KIF26B: variants seen among roughly 807,000 people sequenced by gnomAD.
KIF26B encodes kinesin-like protein KIF26B.
In KIF26B, 63 loss-of-function variants were observed where a neutral mutation model predicts 151.2. The ratio of observed to expected loss-of-function variants is 0.42; its 90% CI spans 0.34 to 0.51. KIF26B has a LOEUF of 0.51. Among genes scored for constraint, KIF26B ranks in the 20% least tolerant of loss-of-function variants. KIF26B has a pLI of 0.07. For synonymous variants in KIF26B, 1,357 were observed against 1,262.1 expected, an observed-to-expected ratio of 1.08 and a Z score of -1.59; for missense variants, 2,813 against 2,913.6, an observed-to-expected ratio of 0.97 and a Z score of 0.79.
At position 245,686,296 on chromosome 1, in the gene KIF26B, C is replaced by G; in HGVS notation, c.3313C>G (p.Pro1105Ala). 3.7e-6 allele frequency: 6 copies of G among 1,613,074 alleles called. No individual in the cohort carries two copies. The highest frequency in any genetic ancestry group is 5.1e-6 in the Non-Finnish European group (6 of 1,179,880). Reference protein sequence around the residue: ...KGVLPSPAPLPPSSKDSGVAS... With the variant: ...KGVLPSPAPLAPSSKDSGVAS... ...GGTCCTGCCGTCTCCCGCCCCACTG[C>G]CTCCCTCGAGCAAGGATTCCGGCGT... Residue 1105 changes from proline (P) to alanine (A), a missense_variant, in exon 12 of 15, where the codon CCT (proline) becomes GCT (alanine). Physicochemically the swap from Pro to Ala is conservative, Grantham distance 27 (BLOSUM62 -1). Coordinates refer to ENST00000407071, the MANE Select transcript of KIF26B (RefSeq NM_018012.4). The surrounding 1 kb of genome is among the most constrained non-coding windows in gnomAD (Gnocchi z 5.6).
chr1:245,437,228 C>T (rs1572060749), intron 4 of KIF26B, among the ~76,000 whole-genome samples: 1 of 152,308 alleles, frequency 6.6e-6, no homozygotes, highest in East Asian at 1.9e-4. Flanking sequence ...TGAGGTGTTG[C>T]ACCTGCAGAC....
At chr1:245,695,039 G>T (rs935165278) in intron 12 of KIF26B, among the ~76,000 whole-genome samples, 1 of 152,140 alleles carries the variant, frequency 6.6e-6, no homozygotes, top group African/African-American at 2.4e-5. Flanking sequence ...GGCTTCCCCT[G>T]TACCTTTCTT....
At chr1:245,397,213 A>AT (rs10706858) in intron 3 of KIF26B, among the ~76,000 whole-genome samples, 26 of 148,126 alleles carry the variant, frequency 1.8e-4, no homozygotes, top group South Asian at 4.3e-4. Context: ...CCACATGTTC[A>AT]TTTTTTTTTT....
chr1:245,616,673 G>A (rs1715786), intron 9 of KIF26B, among the ~76,000 whole-genome samples: 17,256 of 152,086 alleles, frequency 0.11, 1,207 homozygotes, highest in African/African-American at 0.18. Context: ...AACCCCTCAC[G>A]AGGTCAGGTG....
chr1:245,660,159 C>G (rs563445566), intron 10 of KIF26B, among the ~76,000 whole-genome samples: 1 of 151,440 alleles, frequency 6.6e-6, no homozygotes, highest in East Asian at 2.0e-4. Flanking sequence ...CTCCACATGT[C>G]TAGAATTTGG....
intron 3 of KIF26B, among the ~76,000 whole-genome samples, chr1:245,416,305 A>T (rs1450534320): frequency 6.7e-6 from 1 of 149,720 alleles, no homozygotes; most frequent in Non-Finnish European, 1.5e-5. Context: ...AAAAAGAATC[A>T]AACAAAATAG....
chr1:245,556,686 G>A (rs1245367196), intron 5 of KIF26B, among the ~76,000 whole-genome samples: 3 of 137,234 alleles, frequency 2.2e-5, no homozygotes, highest in Non-Finnish European at 4.8e-5. Context: ...ACAGGCATGA[G>A]CCACTGCATC....
Position 245,667,966 on chromosome 1 carries a change from G to C in KIF26B, c.2259-16267G>C, listed in dbSNP as rs1027686511. ...AGTGCAGTGCAGTGGCGCAATCTCA[G>C]CTCACTGCAACTTCCACCTCCCAGG... On this transcript the variant is annotated intron_variant, in intron 10 of 14. Coordinates refer to ENST00000407071, the MANE Select transcript of KIF26B (RefSeq NM_018012.4). This position sits in a 1 kb window ranked among gnomAD's most constrained non-coding sequence, Gnocchi z 4.3. Among the ~76,000 whole-genome samples the C allele has an allele frequency of 6.6e-6, 1 of 152,170 alleles. No individual in the cohort carries two copies. Among genetic ancestry groups the C allele is most frequent in the Non-Finnish European group, 1.5e-5 (1 of 68,036 alleles).
rs58501579 is a variant in KIF26B at position 245,169,328 on chromosome 1, G to GGTGTGTGTGTGTGTGTGT, written c.465+12663_465+12680dup. ...TGCACTCGACTTTCTAACGGGCCATGGTGTGTGTGTGTGTGTGTGTGTGTG... is the reference window on the plus strand; with the variant it reads ...TGCACTCGACTTTCTAACGGGCCATGGTGTGTGTGTGTGTGTGTGTGTGTGTGTGTGTGTGTGTGTGTG... On this transcript the variant is annotated intron_variant, in intron 2 of 14. Coordinates refer to ENST00000407071, the MANE Select transcript of KIF26B (RefSeq NM_018012.4). 2.2e-4 allele frequency among the ~76,000 whole-genome samples: 29 copies of GGTGTGTGTGTGTGTGTGT among 134,176 alleles called. 1 individual carries two copies. Among genetic ancestry groups the GGTGTGTGTGTGTGTGTGT allele is most frequent in the Admixed American group, 7.5e-4 (10 of 13,342 alleles). The allele number at this position is 134,176 out of a possible 152,430, so 88.0% of individuals were successfully genotyped here. A position where few individuals can be genotyped will look rare whatever the true frequency, so the allele number is the denominator to read the frequency against.
chr1:245,306,263 G>C (rs1269606701), intron 2 of KIF26B, among the ~76,000 whole-genome samples: 1 of 152,192 alleles, frequency 6.6e-6, no homozygotes, highest in African/African-American at 2.4e-5. Flanking sequence ...ATTATGGTAA[G>C]TGAAAGAACC....
At position 245,687,917 on chromosome 1, in the gene KIF26B, C is replaced by T. The variant is rs1462889450; in HGVS notation, c.4934C>T (p.Thr1645Met). The T allele has an allele frequency of 6.9e-6, 11 of 1,593,514 alleles. No individual in the cohort carries two copies. Among genetic ancestry groups the T allele is most frequent in the Admixed American group, 1.7e-5 (1 of 57,546 alleles). The change falls in exon 12 of 15, where the codon ACG becomes ATG. Residue 1645 changes from threonine (T) to methionine (M), a missense_variant. Thr to Met is a moderately conservative substitution (Grantham distance 81). Around this residue, in one of 3 missense-constraint regions of KIF26B, gnomAD observed 2,060 missense variants for 2,088.6 expected, o/e 0.99. Transcript: ENST00000407071. This position sits in a 1 kb window ranked among gnomAD's most constrained non-coding sequence, Gnocchi z 4.9. ...CTCCCAGACGAGCCTAGCGGCAAGA[C>T]GAAGGACGCCAGCAGCAGCAGCAAG... ...AGLPDEPSGK[T>M]KDASSSSKLF...
rs774712630 is a variant in KIF26B, at chr1:245,684,290, C to T, written c.2316C>T (p.Thr772=). 1.9e-6 allele frequency: 3 copies of T among 1,613,990 alleles called. No homozygotes were observed. Among genetic ancestry groups the T allele is most frequent in the Non-Finnish European group, 2.5e-6 (3 of 1,179,882 alleles). ...CTCTGGGGAACATGAACTGCCGTAC[C>T]ACCATGATCGCGCACATCTCGGCCG... The part of the protein sequence containing the change: ...RESLGNMNCR[T]TMIAHISAAV... The change falls in exon 11 of 15, where the codon ACC becomes ACT. Residue 772 remains threonine (T), a synonymous_variant. Coordinates refer to ENST00000407071, the MANE Select transcript of KIF26B (RefSeq NM_018012.4).
chr1:245,627,452 G>A (rs1045899946), intron 9 of KIF26B, among the ~76,000 whole-genome samples: 19 of 152,128 alleles, frequency 1.2e-4, no homozygotes, highest in African/African-American at 3.1e-4. Context: ...ACAAAAAGAC[G>A]ATGTACCAGA....
intron 4 of KIF26B, among the ~76,000 whole-genome samples, chr1:245,455,375 G>A (rs886759196): frequency 3.9e-5 from 6 of 151,978 alleles, no homozygotes; most frequent in East Asian, 3.9e-4. Flanking sequence ...ATGGTTACAC[G>A]TGCCTATAGT....
chr1:245,291,607 C>A (rs1249616306), intron 2 of KIF26B, among the ~76,000 whole-genome samples: 1 of 152,146 alleles, frequency 6.6e-6, no homozygotes, highest in Admixed American at 6.5e-5. Flanking sequence ...CCACACCCGA[C>A]GGGACCACAG....
intron 5 of KIF26B, among the ~76,000 whole-genome samples, chr1:245,556,787 C>T (rs1025363067): frequency 6.6e-6 from 1 of 152,212 alleles, no homozygotes; most frequent in African/African-American, 2.4e-5. Flanking sequence ...GATCCTCCCA[C>T]CTCAGCCTCT....
chr1:245,310,246 A>G (rs1671641603), intron 2 of KIF26B, among the ~76,000 whole-genome samples: 2 of 151,984 alleles, frequency 1.3e-5, no homozygotes, highest in Admixed American at 1.3e-4. Flanking sequence ...TCCATATGCC[A>G]AGAGAGATAG....
At chr1:245,370,656 A>T (rs1356638030) in intron 3 of KIF26B, 1 of 456,272 alleles carries the variant, frequency 2.2e-6, no homozygotes, top group Non-Finnish European at 4.4e-6. Context: ...GCGAGGACAG[A>T]GGAGCATGAA....
At chr1:245,419,885 C>A in intron 4 of KIF26B, 140 bp downstream of exon 4, 3 of 831,336 alleles carry the variant, frequency 3.6e-6, no homozygotes, top group Non-Finnish European at 5.7e-6. Context: ...GTTTCTCAGC[C>A]ATGGCACTGT....
Sources: gnomAD v4.1 joint callset for allele counts (sites outside exome capture counted in the v4.1 genomes callset) on GRCh38, gnomAD v4.1.1 for gene constraint, gnomAD v4.1.1 regional missense constraint, Gnocchi (gnomAD v3.1) non-coding constraint, MANE v1.5 for transcripts, NCBI Gene and HGNC (gene_info 2026-07-23, HGNC 2026-07-21) for gene names.